The following MLLT3 variants were observed in gnomAD, a reference collection of about 807,000 sequenced individuals.
The protein encoded by MLLT3 is protein AF-9.
MLLT3 carries 4 observed loss-of-function variants against 53.2 expected under a neutral mutation model. The observed-to-expected ratio is 0.08, with a 90% confidence interval of 0.04 to 0.17. The LOEUF (loss-of-function observed/expected upper bound fraction) is 0.17. MLLT3 is among the 10% of genes least tolerant of loss of function. The pLI is 1.00. For synonymous variants in MLLT3, 283 were observed against 230.6 expected, an observed-to-expected ratio of 1.23 and a Z score of -2.06; for missense variants, 569 against 684.0, an observed-to-expected ratio of 0.83 and a Z score of 1.87.
intron 2 of MLLT3, among the ~76,000 whole-genome samples, chr9:20,507,872 C>A (rs1825424890): frequency 1.3e-5 from 2 of 150,816 alleles, no homozygotes; most frequent in South Asian, 2.1e-4. Flanking sequence ...GAATCTATAA[C>A]AATCCAAATA....
chr9:20,591,040 G>A (rs1820115793), intron 2 of MLLT3, among the ~76,000 whole-genome samples: 1 of 152,104 alleles, frequency 6.6e-6, no homozygotes, highest in South Asian at 2.1e-4. Flanking sequence ...GTGACCCACT[G>A]TACCTAGCCT....
chr9:20,422,009 G>A (rs1177505258), intron 4 of MLLT3, among the ~76,000 whole-genome samples: 1 of 151,968 alleles, frequency 6.6e-6, no homozygotes, highest in African/African-American at 2.4e-5. Flanking sequence ...TAGGATTAAT[G>A]TGTTTTAAAG....
chr9:20,457,159 A>G (rs1002733005), intron 2 of MLLT3, among the ~76,000 whole-genome samples: 1 of 146,840 alleles, frequency 6.8e-6, no homozygotes, highest in African/African-American at 2.5e-5. Context: ...TAACAAGAGT[A>G]TTATCTGCAT....
intron 2 of MLLT3, among the ~76,000 whole-genome samples, chr9:20,476,393 A>C (rs1372345542): frequency 6.6e-6 from 1 of 152,128 alleles, no homozygotes; most frequent in African/African-American, 2.4e-5. Flanking sequence ...AGTTAAATAT[A>C]CTGTCTAACA....
At chr9:20,426,791 G>A (rs1010368731) in intron 4 of MLLT3, among the ~76,000 whole-genome samples, 7 of 151,886 alleles carry the variant, frequency 4.6e-5, no homozygotes, top group African/African-American at 1.5e-4. Flanking sequence ...AAAAAATAAA[G>A]AAAAAGTTCA....
intron 5 of MLLT3, among the ~76,000 whole-genome samples, chr9:20,371,837 G>A (rs956074780): frequency 6.6e-6 from 1 of 152,184 alleles, no homozygotes; most frequent in East Asian, 1.9e-4. Context: ...AGGTGCCATA[G>A]ATAGTGATTC....
In MLLT3 at chr9:20,404,817, T is replaced by C. The variant is rs183867946; in HGVS notation, c.1125+8904A>G. Among the ~76,000 whole-genome samples, 148 of 152,272 alleles carry C rather than the reference T, an allele frequency of 9.7e-4. 2 individuals carry two copies. The highest frequency in any genetic ancestry group is 1.6e-3 in the Non-Finnish European group (109 of 68,008). On this transcript the variant is annotated intron_variant, in intron 5 of 10. Transcript: ENST00000380338. ...CACTGTGCCCAGCCTGTCTAGTCTT[T>C]TTATTCCAAGTGTAGACTCTTGTAC...
chr9:20,557,536 G>C (rs1454932857), intron 2 of MLLT3, among the ~76,000 whole-genome samples: 2 of 152,082 alleles, frequency 1.3e-5, no homozygotes, highest in East Asian at 3.8e-4. Context: ...CACCACACCT[G>C]GTCCAGATTT....
At chr9:20,585,373 A>C (rs1481573616) in intron 2 of MLLT3, among the ~76,000 whole-genome samples, 3 of 152,178 alleles carry the variant, frequency 2.0e-5, no homozygotes, top group Non-Finnish European at 2.9e-5. Context: ...ACCTCCACAA[A>C]GGCTCTATCT....
chr9:20,511,069 G>C (rs1196084705), intron 2 of MLLT3, among the ~76,000 whole-genome samples: 1 of 152,088 alleles, frequency 6.6e-6, no homozygotes, highest in African/African-American at 2.4e-5. Context: ...ATTAAAGTCA[G>C]AGAATAATCA....
chr9:20,406,607 G>A (rs1822583389), intron 5 of MLLT3, among the ~76,000 whole-genome samples: 1 of 152,130 alleles, frequency 6.6e-6, no homozygotes, highest in African/African-American at 2.4e-5. Flanking sequence ...TCTCAAACCA[G>A]GGCCACTCTA....
intron 2 of MLLT3, among the ~76,000 whole-genome samples, chr9:20,589,899 T>TG (rs1236704499): frequency 2.6e-5 from 4 of 151,854 alleles, no homozygotes; most frequent in Admixed American, 1.3e-4. Context: ...TTAGTAGAGA[T>TG]GGGGTTTCAC....
At position 20,393,159 on chromosome 9, in the gene MLLT3, TA is replaced by T. The variant is rs573312355; in HGVS notation, c.1125+20561del. Among the ~76,000 whole-genome samples, 815 of 151,000 alleles carry T rather than the reference TA, an allele frequency of 5.4e-3. 1 individual carries two copies. Among genetic ancestry groups the T allele is most frequent in the Non-Finnish European group, 8.4e-3 (570 of 67,666 alleles). On this transcript the variant is annotated intron_variant, in intron 5 of 10. Transcript: ENST00000380338. ...AACAAGAGCAAAACTCCATCTCAAT[TA>T]AAAAAAAATGCTGATGAGGATGAGC...
chr9:20,481,532 G>T (rs1824662119), intron 2 of MLLT3, among the ~76,000 whole-genome samples: 1 of 152,060 alleles, frequency 6.6e-6, no homozygotes, highest in Non-Finnish European at 1.5e-5. Flanking sequence ...AGGGGATGGG[G>T]GTTCCTAGAA....
chr9:20,350,400 C>G (rs976178091), intron 10 of MLLT3, among the ~76,000 whole-genome samples: 13 of 152,050 alleles, frequency 8.5e-5, no homozygotes, highest in Admixed American at 2.0e-4. Context: ...TCAAGACCAA[C>G]CCGGCTAAAA....
chr9:20,555,033 C>A (rs981679299), intron 2 of MLLT3, among the ~76,000 whole-genome samples: 1 of 151,972 alleles, frequency 6.6e-6, no homozygotes, highest in Non-Finnish European at 1.5e-5. Context: ...ACAACTAGAC[C>A]AAGTAGTCAG....
chr9:20,459,958 A>G (rs551957140), intron 2 of MLLT3, among the ~76,000 whole-genome samples: 5 of 152,334 alleles, frequency 3.3e-5, no homozygotes, highest in African/African-American at 1.2e-4. Flanking sequence ...TAAAAAACTT[A>G]CAGTTCTAAT....
chr9:20,456,811 G>A (rs1823980730), intron 2 of MLLT3, 25 bp from the exon 3 acceptor site: 4 of 1,468,210 alleles, frequency 2.7e-6, no homozygotes, highest in Non-Finnish European at 3.7e-6. Context: ...AAGAAAATAG[G>A]TAAGATGAGA....
At chr9:20,369,652 C>T (rs1455256025) in intron 5 of MLLT3, among the ~76,000 whole-genome samples, 1 of 152,148 alleles carries the variant, frequency 6.6e-6, no homozygotes, top group Admixed American at 6.5e-5. Context: ...AACAGAATTG[C>T]AGTTCACTGT....
Sources: gnomAD v4.1 joint callset for allele counts (sites outside exome capture counted in the v4.1 genomes callset) on GRCh38, gnomAD v4.1.1 for gene constraint, MANE v1.5 for transcripts, NCBI Gene and HGNC (gene_info 2026-07-23, HGNC 2026-07-21) for gene names.